The following MICAL3 variants were observed in gnomAD, a reference collection of about 807,000 sequenced individuals.
MICAL3 encodes microtubule associated monooxygenase, calponin and LIM domain containing 3.
In MICAL3, 62 loss-of-function variants were observed where a neutral mutation model predicts 207.4. That is an observed-to-expected ratio of 0.30 (90% confidence interval 0.24 to 0.37). The LOEUF is 0.37. MICAL3 is among the 10% of genes least tolerant of loss of function. The pLI is 1.00. For missense variants in MICAL3, 2,368 were observed against 2,635.6 expected, an observed-to-expected ratio of 0.90 and a Z score of 2.22; for synonymous variants, 1,077 against 1,069.3, an observed-to-expected ratio of 1.01 and a Z score of -0.14.
At chr22:17,920,471 G>A (rs1932777168) in intron 1 of MICAL3, among the ~76,000 whole-genome samples, 1 of 152,144 alleles carries the variant, frequency 6.6e-6, no homozygotes, top group Non-Finnish European at 1.5e-5. Context: ...GACAGGCTCA[G>A]ACGCGTTCCG....
intron 16 of MICAL3, among the ~76,000 whole-genome samples, chr22:17,880,235 C>A (rs181179107): frequency 1.3e-5 from 2 of 152,308 alleles, no homozygotes; most frequent in Non-Finnish European, 2.9e-5. Flanking sequence ...GCGGCTCAGA[C>A]ACGTGACATG....
chr22:17,841,970 T>C lies in MICAL3; in HGVS notation c.2653A>G (p.Arg885Gly). The C allele has an allele frequency of 6.2e-7, 1 of 1,606,912 alleles. No individual in the cohort carries two copies. Among genetic ancestry groups the C allele is most frequent in the Non-Finnish European group, 8.5e-7 (1 of 1,179,286 alleles). The change falls in exon 20 of 32, where the codon AGG becomes GGG. Residue 885 changes from arginine to glycine, a missense_variant. This residue lies in a region of MICAL3 where 1,770 missense variants were observed against 1,863.2 expected (regional missense o/e 0.95). Coordinates refer to ENST00000441493, the MANE Select transcript of MICAL3 (RefSeq NM_015241.3). This position sits in a 1 kb window ranked among gnomAD's most constrained non-coding sequence, Gnocchi z 4.2. ...LEEPSIAKRL[R>G]GTPERIELEN... Reference sequence around the variant, plus strand: ...AGCTCGATCCGCTCTGGGGTGCCCCTCAGTCGCTTGGCGATGCTGGGCTCC... The same window carrying C: ...AGCTCGATCCGCTCTGGGGTGCCCCCCAGTCGCTTGGCGATGCTGGGCTCC...
At chr22:17,820,869 TTAA>T (rs1921521010) in intron 25 of MICAL3, among the ~76,000 whole-genome samples, 1 of 137,352 alleles carries the variant, frequency 7.3e-6, no homozygotes, top group Admixed American at 7.2e-5. Context: ...CTAATAAATT[TTAA>T]TAAATTTATA....
chr22:17,887,347 G>A lies in MICAL3; in HGVS notation c.1980C>T (p.Thr660=). Residue 660 remains threonine, a synonymous_variant, in exon 14 of 32, where the codon ACC becomes ACT. Coordinates refer to ENST00000441493, the MANE Select transcript of MICAL3 (RefSeq NM_015241.3). ...PISFLSKLGQ[T]ISRKRSPKDK... Reference sequence around the variant, plus strand: ...CCTTGGGAGAACGCTTCCGAGAGATGGTCTGGCCAAGTTTGCTTAGGAAGG... The same window carrying A: ...CCTTGGGAGAACGCTTCCGAGAGATAGTCTGGCCAAGTTTGCTTAGGAAGG... The A allele has an allele frequency of 6.2e-7, 1 of 1,613,894 alleles. No homozygotes were observed. The highest frequency in any genetic ancestry group is 8.5e-7 in the Non-Finnish European group (1 of 1,179,800).
intron 16 of MICAL3, among the ~76,000 whole-genome samples, chr22:17,874,860 G>C (rs1284387181): frequency 6.6e-6 from 1 of 150,638 alleles, no homozygotes; most frequent in Non-Finnish European, 1.5e-5. Flanking sequence ...CACACCATAC[G>C]CGTGCATATG....
chr22:17,885,904 C>T lies in MICAL3; in HGVS notation c.2215G>A (p.Ala739Thr), dbSNP rs369243644. 1.2e-4 allele frequency: 193 copies of T among 1,613,824 alleles called. No individual in the cohort carries two copies. Among genetic ancestry groups the T allele is most frequent in the Non-Finnish European group, 1.5e-4 (173 of 1,179,902 alleles). ...LLAKFEENAP[A>T]QSIGIRRQGS... ...TGTCTCCGTATGCCGATGGACTGTG[C>T]GGGCGCATTCTCTTCAAATTTGGCC... The change falls in exon 16 of 32, where the codon GCA becomes ACA. Residue 739 changes from alanine (A) to threonine (T), a missense_variant. By Grantham distance (58) the Ala-to-Thr change is moderately conservative. This residue lies in a region of MICAL3 where 1,770 missense variants were observed against 1,863.2 expected (regional missense o/e 0.95). Coordinates refer to ENST00000441493, the MANE Select transcript of MICAL3 (RefSeq NM_015241.3).
chr22:17,881,063 C>T (rs1351581457), intron 16 of MICAL3: 1 of 751,388 alleles, frequency 1.3e-6, no homozygotes, highest in Non-Finnish European at 2.3e-6. Context: ...GTTGCTTCCA[C>T]CACAAACGGT....
intron 25 of MICAL3, 87 bp downstream of exon 25, chr22:17,821,340 A>T: frequency 1.6e-6 from 2 of 1,224,042 alleles, no homozygotes; most frequent in Non-Finnish European, 2.3e-6. Context: ...TGGGACCCAC[A>T]CCATGGGCCC....
chr22:17,879,328 G>A (rs772551537), intron 16 of MICAL3: 17 of 1,599,628 alleles, frequency 1.1e-5, no homozygotes, highest in Middle Eastern at 1.7e-4. Flanking sequence ...CCCATGCCAC[G>A]GGTTCATGCT....
At chr22:17,946,902 G>A (rs935094553) in intron 1 of MICAL3, among the ~76,000 whole-genome samples, 3 of 152,136 alleles carry the variant, frequency 2.0e-5, no homozygotes, top group African/African-American at 4.8e-5. Flanking sequence ...CCAGCAAAGG[G>A]CCCAGCTGAA....
rs534999654 is a variant in MICAL3, at chr22:17,994,695, C to T, written c.-75+29586G>A. Reference sequence around the variant, plus strand: ...CCACTCCAGCTGGGGCCACTCCAGCCGGGGCCACAGAGTAAGACTCTGTCT... The same window carrying T: ...CCACTCCAGCTGGGGCCACTCCAGCTGGGGCCACAGAGTAAGACTCTGTCT... On this transcript the variant is annotated intron_variant, in intron 1 of 31. Transcript: ENST00000441493. Among the ~76,000 whole-genome samples, 7 of 148,022 alleles carry T rather than the reference C, an allele frequency of 4.7e-5. No individual in the cohort carries two copies. The East Asian group carries it at 1.0e-3, about 21-fold the overall frequency.
rs968449356 is a variant in MICAL3 at position 17,939,615 on chromosome 22, A to C, written c.-74-32729T>G. On this transcript the variant is annotated intron_variant, in intron 1 of 31. Transcript: ENST00000441493. ...ACCCTCTATACCTTATGAAGAACAGACCTGCCTCTCTCTGCAATTCTGTTA... is the reference window on the plus strand; with the variant it reads ...ACCCTCTATACCTTATGAAGAACAGCCCTGCCTCTCTCTGCAATTCTGTTA... Among the ~76,000 whole-genome samples the C allele has an allele frequency of 7.6e-4, 115 of 152,006 alleles. 1 individual carries two copies. Among genetic ancestry groups the C allele is most frequent in the African/African-American group, 2.3e-3 (95 of 41,550 alleles).
intron 20 of MICAL3, among the ~76,000 whole-genome samples, chr22:17,833,679 C>T (rs991809419): frequency 6.6e-6 from 1 of 152,208 alleles, no homozygotes; most frequent in Non-Finnish European, 1.5e-5. Flanking sequence ...GTTCATGTTG[C>T]ATAGTCTAGT....
chr22:17,883,112 G>A (rs1321692082), intron 16 of MICAL3, among the ~76,000 whole-genome samples: 1 of 152,164 alleles, frequency 6.6e-6, no homozygotes, highest in Non-Finnish European at 1.5e-5. Flanking sequence ...ACCTTCCCCT[G>A]CAACAGATCC....
At chr22:17,837,677 T>C (rs1239491899) in intron 20 of MICAL3, among the ~76,000 whole-genome samples, 1 of 152,208 alleles carries the variant, frequency 6.6e-6, no homozygotes, top group Non-Finnish European at 1.5e-5. Context: ...GGCATGAAGC[T>C]GATTAGGCCT....
chr22:17,834,531 C>T, intron 20 of MICAL3: 2 of 1,196,674 alleles, frequency 1.7e-6, no homozygotes, highest in South Asian at 2.8e-5. Flanking sequence ...TCCTGGGCAA[C>T]CATGGGGAGA....
intron 1 of MICAL3, among the ~76,000 whole-genome samples, chr22:17,922,347 G>C (rs1380205599): frequency 6.6e-6 from 1 of 152,144 alleles, no homozygotes; most frequent in African/African-American, 2.4e-5. Context: ...TAATGTCACA[G>C]AACTACACAA....
intron 19 of MICAL3, among the ~76,000 whole-genome samples, chr22:17,843,833 C>T (rs1924330316): frequency 6.6e-6 from 1 of 151,314 alleles, no homozygotes; most frequent in African/African-American, 2.5e-5. Context: ...CATGTGGTAG[C>T]AGCCTGGTGT....
intron 1 of MICAL3, among the ~76,000 whole-genome samples, chr22:17,910,992 T>C (rs1932102246): frequency 1.4e-5 from 2 of 147,420 alleles, no homozygotes; most frequent in Admixed American, 1.4e-4. Context: ...AAGGAAGGGG[T>C]AGAGGAAGTG....
Sources: gnomAD v4.1 joint callset for allele counts (sites outside exome capture counted in the v4.1 genomes callset) on GRCh38, gnomAD v4.1.1 for gene constraint, gnomAD v4.1.1 regional missense constraint, Gnocchi (gnomAD v3.1) non-coding constraint, MANE v1.5 for transcripts, NCBI Gene and HGNC (gene_info 2026-07-23, HGNC 2026-07-21) for gene names.